The following ASTN2 variants were observed in gnomAD, a reference collection of about 807,000 sequenced individuals.
ASTN2 encodes astrotactin-2.
ASTN2 carries 54 observed loss-of-function variants against 139.8 expected under a neutral mutation model. The ratio of observed to expected loss-of-function variants is 0.39; its 90% CI spans 0.31 to 0.48. The LOEUF is 0.48. Ranked by LOEUF, ASTN2 falls within the 20% of genes least tolerant of loss-of-function variation. ASTN2 has a pLI of 0.95. For missense variants in ASTN2, 1,565 were observed against 1,725.1 expected, an observed-to-expected ratio of 0.91 and a Z score of 1.64; for synonymous variants, 756 against 719.5, an observed-to-expected ratio of 1.05 and a Z score of -0.81.
intron 5 of ASTN2, among the ~76,000 whole-genome samples, chr9:117,092,906 G>A (rs777109693): frequency 1.3e-5 from 2 of 152,104 alleles, no homozygotes; most frequent in South Asian, 4.1e-4. Context: ...GAACCCATCA[G>A]CCCAGCCAAA....
At chr9:116,872,467 G>A (rs938668523) in intron 10 of ASTN2, among the ~76,000 whole-genome samples, 1 of 152,148 alleles carries the variant, frequency 6.6e-6, no homozygotes, top group South Asian at 2.1e-4. Context: ...GACCCCACAT[G>A]GTCCATTTAC....
At chr9:116,923,332 C>T (rs757277096) in intron 10 of ASTN2, among the ~76,000 whole-genome samples, 21 of 152,178 alleles carry the variant, frequency 1.4e-4, no homozygotes, top group Non-Finnish European at 2.2e-4. Flanking sequence ...TCTGTTTCTT[C>T]GCCCCCAGGT....
intron 3 of ASTN2, among the ~76,000 whole-genome samples, chr9:117,192,202 G>A (rs1030064587): frequency 6.6e-5 from 10 of 152,106 alleles, no homozygotes; most frequent in Admixed American, 6.5e-5. Flanking sequence ...CAGAGCCTAG[G>A]CATTTAGACA....
At chr9:116,811,506 T>C (rs1348195) in intron 12 of ASTN2, among the ~76,000 whole-genome samples, 102,448 of 152,054 alleles carry the variant, frequency 0.67, 35,016 homozygotes, top group East Asian at 0.76. Context: ...ATAATTTCTA[T>C]GTTGGTAAAT....
At chr9:117,279,748 A>G (rs935102007) in intron 2 of ASTN2, among the ~76,000 whole-genome samples, 3 of 152,218 alleles carry the variant, frequency 2.0e-5, no homozygotes, top group South Asian at 4.1e-4. Flanking sequence ...AATGAATACC[A>G]GGACATTAAC....
chr9:116,426,577 G>A (rs1254495194), intron 22 of ASTN2, among the ~76,000 whole-genome samples: 2 of 152,140 alleles, frequency 1.3e-5, no homozygotes, highest in Admixed American at 1.3e-4. Flanking sequence ...GACATTACTT[G>A]ACTAAGGCAA....
chr9:117,089,670 C>G (rs532601265), intron 5 of ASTN2, among the ~76,000 whole-genome samples: 17 of 151,932 alleles, frequency 1.1e-4, no homozygotes, highest in African/African-American at 3.9e-4. Flanking sequence ...TCTTTTATCC[C>G]TCGCCCCCCT....
chr9:116,721,939 CTG>C (rs772076788), intron 16 of ASTN2, among the ~76,000 whole-genome samples: 10 of 152,172 alleles, frequency 6.6e-5, no homozygotes, highest in Non-Finnish European at 1.2e-4. Context: ...TACTTCCTTT[CTG>C]TGTCTAGAAT....
In ASTN2 at chr9:116,487,488, C is replaced by T. The variant is rs1849378318; in HGVS notation, c.3368G>A (p.Ser1123Asn). Residue 1123 changes from serine (S) to asparagine (N), a missense_variant, in exon 20 of 23, where the codon AGT becomes AAT. By Grantham distance (46) the Ser-to-Asn change is conservative. Transcript: ENST00000313400. Reference sequence around the variant, plus strand: ...GCCAGAGAGTAAGTCATCAGCAAAACTCAGGAATTCTCCTGGAGGGAGAAA... The same window carrying T: ...GCCAGAGAGTAAGTCATCAGCAAAATTCAGGAATTCTCCTGGAGGGAGAAA... ...DTDLYTGEFL[S>N]FADDLLSGLG... The T allele has an allele frequency of 6.2e-7, 1 of 1,613,876 alleles. No homozygotes were observed. Among genetic ancestry groups the T allele is most frequent in the Non-Finnish European group, 8.5e-7 (1 of 1,179,928 alleles).
chr9:117,242,694 G>T (rs1473526638), intron 2 of ASTN2, among the ~76,000 whole-genome samples: 1 of 152,218 alleles, frequency 6.6e-6, no homozygotes, highest in Non-Finnish European at 1.5e-5. Context: ...ATGTTTGGTA[G>T]AAAAACCTGC....
chr9:116,518,379 C>T (rs896422308), intron 19 of ASTN2, among the ~76,000 whole-genome samples: 1 of 152,086 alleles, frequency 6.6e-6, no homozygotes, highest in African/African-American at 2.4e-5. Flanking sequence ...AAAGAATTAC[C>T]AGCCAGGAAT....
At chr9:116,624,523 C>T (rs1856341345) in intron 17 of ASTN2, among the ~76,000 whole-genome samples, 1 of 152,210 alleles carries the variant, frequency 6.6e-6, no homozygotes, top group Admixed American at 6.5e-5. Context: ...GCTCTTCTAG[C>T]TCTAAAACTA....
chr9:117,074,626 G>A (rs1160330235), intron 5 of ASTN2, among the ~76,000 whole-genome samples: 1 of 152,178 alleles, frequency 6.6e-6, no homozygotes, highest in African/African-American at 2.4e-5. Flanking sequence ...CAGCAGAAGT[G>A]GCAATCGTTG....
intron 10 of ASTN2, among the ~76,000 whole-genome samples, chr9:116,873,638 G>T (rs1203905836): frequency 6.6e-6 from 1 of 152,146 alleles, no homozygotes; most frequent in African/African-American, 2.4e-5. Flanking sequence ...CTGTTGATAT[G>T]GTTTGGCTGT....
intron 7 of ASTN2, among the ~76,000 whole-genome samples, chr9:116,999,602 C>T (rs1408931643): frequency 8.1e-6 from 1 of 123,840 alleles, no homozygotes; most frequent in Non-Finnish European, 1.6e-5. Flanking sequence ...CTCTGTCACC[C>T]AGGCTGGAGT....
chr9:117,127,303 A>T (rs187094576), intron 4 of ASTN2, among the ~76,000 whole-genome samples: 1 of 152,342 alleles, frequency 6.6e-6, no homozygotes, highest in Non-Finnish European at 1.5e-5. Context: ...CTGCACTGAA[A>T]GGGAGCTCAC....
At chr9:117,329,753 C>T (rs377280530) in intron 1 of ASTN2, among the ~76,000 whole-genome samples, 6 of 152,070 alleles carry the variant, frequency 3.9e-5, no homozygotes, top group African/African-American at 1.4e-4. Context: ...AAATTCAGAG[C>T]CCAGAAAAGA....
intron 11 of ASTN2, among the ~76,000 whole-genome samples, chr9:116,821,995 C>T (rs952007281): frequency 1.3e-5 from 2 of 151,946 alleles, no homozygotes; most frequent in Admixed American, 6.6e-5. Flanking sequence ...TCAGTCCTCC[C>T]GCTGGCATTT....
intron 2 of ASTN2, among the ~76,000 whole-genome samples, chr9:117,219,344 C>T (rs112448020): frequency 2.8e-4 from 43 of 152,164 alleles, no homozygotes; most frequent in African/African-American, 1.0e-3. Flanking sequence ...TGAGTCCACA[C>T]CAGGAGCAAA....
Sources: allele counts gnomAD v4.1 joint callset (sites outside exome capture counted in the v4.1 genomes callset), GRCh38; gene constraint gnomAD v4.1.1; transcripts MANE v1.5; gene names NCBI Gene and HGNC (gene_info 2026-07-23, HGNC 2026-07-21).